Variants in PSD4 observed in about 807,000 individuals in gnomAD.
The protein encoded by PSD4 is pleckstrin and Sec7 domain containing 4.
Under a neutral mutation model 112.5 loss-of-function variants are expected in PSD4, and 59 were observed. That is an observed-to-expected ratio of 0.52 (90% CI 0.43 to 0.65). The LOEUF (loss-of-function observed/expected upper bound fraction) is 0.65, where lower values mean the gene tolerates loss of function less well. Among genes scored for constraint, PSD4 ranks in the 30% least tolerant of loss-of-function variants. The pLI is 0.00. For synonymous variants in PSD4, 533 were observed against 540.0 expected (o/e 0.99, Z 0.18); for missense variants, 1,267 against 1,352.6 (o/e 0.94, Z 0.99).
At chr2:113,185,693 C>G in intron 4 of PSD4, 184 bp from the exon 5 acceptor site, 1 of 1,548,590 alleles carries the variant, frequency 6.5e-7, no homozygotes. Flanking sequence ...TGCCTGGAGG[C>G]TTGAGTCCTG....
chr2:113,196,090 T>A, intron 11 of PSD4, 57 bp from the exon 12 acceptor site: 1 of 1,568,940 alleles, frequency 6.4e-7, no homozygotes, highest in Non-Finnish European at 8.7e-7. Flanking sequence ...AGGCAATGGA[T>A]ACCTCCCAGT....
intron 1 of PSD4, among the ~76,000 whole-genome samples, chr2:113,178,680 G>A (rs1036057030): frequency 6.6e-6 from 1 of 152,010 alleles, no homozygotes; most frequent in African/African-American, 2.4e-5. Flanking sequence ...ATATTGGCAC[G>A]GGAACGTTTC....
intron 5 of PSD4, among the ~76,000 whole-genome samples, chr2:113,188,118 C>A (rs3791338): frequency 0.42 from 63,886 of 151,892 alleles, 14,013 homozygotes; most frequent in East Asian, 0.76. Flanking sequence ...ACTGACGAAG[C>A]CCTAAAATAT....
At chr2:113,179,941 A>G (rs1688083881) in intron 1 of PSD4, among the ~76,000 whole-genome samples, 1 of 152,188 alleles carries the variant, frequency 6.6e-6, no homozygotes, top group Non-Finnish European at 1.5e-5. Flanking sequence ...TTGTTATTCT[A>G]AAACAGGAAT....
intron 2 of PSD4, among the ~76,000 whole-genome samples, chr2:113,184,400 A>T: frequency 7.7e-6 from 1 of 129,360 alleles, no homozygotes. Flanking sequence ...TTTTTTTGAG[A>T]CGGAGTCTTG....
chr2:113,198,146 C>T (rs1688664385), intron 14 of PSD4: 1 of 496,758 alleles, frequency 2.0e-6, no homozygotes, highest in South Asian at 4.2e-5. Context: ...GCACAGTATG[C>T]CTTTTCCTTG....
Position 113,185,963 on chromosome 2 carries a change from C to A in PSD4, c.1336C>A (p.Pro446Thr). The A allele has an allele frequency of 6.2e-7, 1 of 1,614,098 alleles. No individual in the cohort carries two copies. The highest frequency in any genetic ancestry group is 8.5e-7 in the Non-Finnish European group (1 of 1,179,924). Reference sequence around the variant, plus strand: ...GAGGAGCCCAGCTTCTTCTCCAGAGCCTAGCAGCCCAGAATCTGAGAGCAG... The same window carrying A: ...GAGGAGCCCAGCTTCTTCTCCAGAGACTAGCAGCCCAGAATCTGAGAGCAG... ...PWRSPASSPE[P>T]SSPESESRGP... The change falls in exon 5 of 17, where the codon CCT (proline) becomes ACT (threonine). Residue 446 changes from proline to threonine, a missense_variant. Around this residue, in one of 2 missense-constraint regions of PSD4, gnomAD observed 723 missense variants for 704.0 expected, o/e 1.03. Coordinates refer to ENST00000245796, the MANE Select transcript of PSD4 (RefSeq NM_012455.3).
chr2:113,192,523 T>C lies in PSD4; in HGVS notation c.1772T>C (p.Leu591Ser). The C allele has an allele frequency of 1.2e-6, 2 of 1,614,196 alleles. No individual in the cohort carries two copies. Among genetic ancestry groups the C allele is most frequent in the Non-Finnish European group, 1.7e-6 (2 of 1,180,036 alleles). Residue 591 changes from leucine to serine, a missense_variant, in exon 6 of 17, where the codon TTG (leucine) becomes TCG (serine). Coordinates refer to ENST00000245796, the MANE Select transcript of PSD4 (RefSeq NM_012455.3). ...AGGAACAACAAGGTAGCCTGGAACT[T>C]GGCCTCACGCCTCTATCGCCTGGAG... ...GVRNNKVAWN[L>S]ASRLYRLEGF...
intron 12 of PSD4, chr2:113,196,514 A>C: frequency 1.8e-6 from 1 of 564,310 alleles, no homozygotes; most frequent in Non-Finnish European, 3.0e-6. Flanking sequence ...GAACCCAGAC[A>C]AAACAGGCCT....
In PSD4 at chr2:113,191,300, G is replaced by A. The variant is rs570640448; in HGVS notation, c.1629-1080G>A. ...TGTTTTCTTTTTTTTCTTTTAGACGGCATCTTGCTCTGTTGCCCAGGCTGG... is the reference window on the plus strand; with the variant it reads ...TGTTTTCTTTTTTTTCTTTTAGACGACATCTTGCTCTGTTGCCCAGGCTGG... On this transcript the variant is annotated intron_variant, in intron 5 of 16. Coordinates refer to ENST00000245796, the MANE Select transcript of PSD4 (RefSeq NM_012455.3). Among the ~76,000 whole-genome samples, 14 of 152,212 alleles carry A rather than the reference G, an allele frequency of 9.2e-5. No individual in the cohort carries two copies. In the South Asian group the frequency reaches 2.9e-3, roughly 32 times the overall value.
rs1688824201 is a variant in PSD4 at position 113,203,639 on chromosome 2, A to G, written c.*2224A>G. 1 of 127,904 alleles carries G rather than the reference A, an allele frequency of 7.8e-6. No homozygotes were observed. Among genetic ancestry groups the G allele is most frequent in the Non-Finnish European group, 1.5e-5 (1 of 64,828 alleles). 7.9% of individuals were successfully genotyped at this position (127,904 alleles called of 1,614,324 possible). On this transcript the variant is annotated 3_prime_UTR_variant, in exon 17 of 17. Coordinates refer to ENST00000245796, the MANE Select transcript of PSD4 (RefSeq NM_012455.3). ...GAGTGCAATGGTGTGATCTTGGCTGACTGCAACCTCCACTGAATCAAGCGA... is the reference window on the plus strand; with the variant it reads ...GAGTGCAATGGTGTGATCTTGGCTGGCTGCAACCTCCACTGAATCAAGCGA...
Position 113,186,009 on chromosome 2 carries a change from G to T in PSD4, c.1382G>T (p.Ser461Ile), listed in dbSNP as rs779489322. 5 of 1,614,192 alleles carry T rather than the reference G, an allele frequency of 3.1e-6. No homozygotes were observed. Among genetic ancestry groups the T allele is most frequent in the Non-Finnish European group, 4.2e-6 (5 of 1,179,998 alleles). Residue 461 changes from serine to isoleucine, a missense_variant, in exon 5 of 17, where the codon AGC becomes ATC. Around this residue, in one of 2 missense-constraint regions of PSD4, gnomAD observed 723 missense variants for 704.0 expected, o/e 1.03. Coordinates refer to ENST00000245796, the MANE Select transcript of PSD4 (RefSeq NM_012455.3). ...SESRGPGPRP[S>I]PASSQEGSPQ... ...AGCAGAGGCCCTGGTCCCAGGCCCA[G>T]CCCTGCATCGTCCCAGGAGGGCAGC... is the stretch of plus-strand genomic sequence containing the variant.
Position 113,203,797 on chromosome 2 carries a change from T to C in PSD4, c.*2382T>C, listed in dbSNP as rs1166986702. 1 of 152,132 alleles carries C rather than the reference T, an allele frequency of 6.6e-6. No homozygotes were observed. The highest frequency in any genetic ancestry group is 1.5e-5 in the Non-Finnish European group (1 of 68,094). 9.4% of individuals were successfully genotyped at this position (152,132 alleles called of 1,614,324 possible). ...CTGGTCTCGAACTCCTGACCTCAGG[T>C]AGTCTGCCTGCCTCGGCCCCCCAAA... is the stretch of plus-strand genomic sequence containing the variant. On this transcript the variant is annotated 3_prime_UTR_variant, in exon 17 of 17. Transcript: ENST00000245796.
At chr2:113,185,115 TGGA>T in intron 3 of PSD4, 42 bp downstream of exon 3, 3 of 1,613,504 alleles carry the variant, frequency 1.9e-6, no homozygotes, top group Non-Finnish European at 2.5e-6. Flanking sequence ...TCTCCATCTT[TGGA>T]GGAGGAATAT....
At chr2:113,198,631 T>A (rs1372998693) in intron 14 of PSD4, 109 bp from the exon 15 acceptor site, 2 of 1,315,374 alleles carry the variant, frequency 1.5e-6, no homozygotes, top group Non-Finnish European at 2.0e-6. Context: ...TATGGGAGGC[T>A]GAGTTCTGAG....
rs763623939 is a variant in PSD4 at position 113,193,267 on chromosome 2, C to G, written c.1929C>G (p.Leu643=). The G allele has an allele frequency of 3.8e-6, 6 of 1,585,612 alleles. No homozygotes were observed. In the East Asian group the frequency reaches 1.3e-4, roughly 36 times the overall value. ...TGGCCCTCCTTTGCAGGAGCTTCCTCCAGGCCTTGGTGCTCAGTGGGGAGA... is the reference window on the plus strand; with the variant it reads ...TGGCCCTCCTTTGCAGGAGCTTCCTGCAGGCCTTGGTGCTCAGTGGGGAGA... The part of the protein sequence containing the change: ...QSLDRALRSF[L]QALVLSGETQ... Residue 643 remains leucine (L), a synonymous_variant, in exon 8 of 17, where the codon CTC becomes CTG. Transcript: ENST00000245796.
At chr2:113,178,425 AT>A (rs45596742) in intron 1 of PSD4, among the ~76,000 whole-genome samples, 150 of 146,228 alleles carry the variant, frequency 1.0e-3, no homozygotes, top group African/African-American at 3.7e-3. Context: ...TCTGGTATTT[AT>A]TTTTTTTCCT....
intron 14 of PSD4, 75 bp from the exon 15 acceptor site, chr2:113,198,665 C>T: frequency 6.8e-7 from 1 of 1,467,694 alleles, no homozygotes; most frequent in Non-Finnish European, 9.0e-7. Context: ...GTGCAAGCAG[C>T]CACAGGAGGG....
chr2:113,185,696 G>C lies in PSD4; in HGVS notation c.1250-181G>C, dbSNP rs1262734161. The C allele has an allele frequency of 3.2e-6, 5 of 1,548,514 alleles. No individual in the cohort carries two copies. In the East Asian group the frequency reaches 1.2e-4, roughly 38 times the overall value. On this transcript the variant is annotated intron_variant, in intron 4 of 16. Coordinates refer to ENST00000245796, the MANE Select transcript of PSD4 (RefSeq NM_012455.3). ...TGAGCCCTTAGTTGCCTGGAGGCTT[G>C]AGTCCTGGGAGCCCGCTGTCTGCTG...
Sources: allele counts gnomAD v4.1 joint callset (sites outside exome capture counted in the v4.1 genomes callset), GRCh38; gene constraint gnomAD v4.1.1; regional missense constraint gnomAD v4.1.1; transcripts MANE v1.5; gene names NCBI Gene and HGNC (gene_info 2026-07-23, HGNC 2026-07-21).